Variants in MIER1 observed in about 807,000 individuals in gnomAD.
The protein encoded by MIER1 is mesoderm induction early response protein 1.
Under a neutral mutation model 75.7 loss-of-function variants are expected in MIER1, and 40 were observed. That is an observed-to-expected ratio of 0.53 (90% CI 0.41 to 0.69). The LOEUF (loss-of-function observed/expected upper bound fraction) is 0.69. Among genes scored for constraint, MIER1 ranks in the 30% least tolerant of loss-of-function variants. MIER1 has a pLI of 0.00. For synonymous variants in MIER1, 213 were observed against 223.4 expected (o/e 0.95, Z 0.42); for missense variants, 574 against 680.2 (o/e 0.84, Z 1.74).
chr1:66,959,453 A>G (rs1055197505), intron 6 of MIER1, among the ~76,000 whole-genome samples: 6 of 152,144 alleles, frequency 3.9e-5, no homozygotes, highest in African/African-American at 1.2e-4. Flanking sequence ...CTAAGTTTTT[A>G]TAGGAAATCA....
intron 8 of MIER1, among the ~76,000 whole-genome samples, chr1:66,966,676 T>A (rs1215824493): frequency 6.6e-6 from 1 of 152,234 alleles, no homozygotes; most frequent in African/African-American, 2.4e-5. Context: ...TTCCTATTTC[T>A]CCACATCCTC....
At chr1:66,925,342 C>T (rs1234135073) in intron 1 of MIER1, 1 of 985,350 alleles carries the variant, frequency 1.0e-6, no homozygotes, top group Admixed American at 6.1e-5. Flanking sequence ...CGCCTTTTTG[C>T]CTTCGCGGTG....
intron 8 of MIER1, among the ~76,000 whole-genome samples, chr1:66,966,370 CT>C (rs1197377391): frequency 6.6e-6 from 1 of 152,148 alleles, no homozygotes; most frequent in East Asian, 1.9e-4. Context: ...TAAACTCCTC[CT>C]TTTTGATGGC....
At position 66,975,923 on chromosome 1, in the gene MIER1, A is replaced by G. The variant is rs74319046; in HGVS notation, c.1102-672A>G. Among the ~76,000 whole-genome samples the G allele has an allele frequency of 6.4e-3, 969 of 152,314 alleles. 9 individuals carry two copies. The highest frequency in any genetic ancestry group is 0.022 in the African/African-American group (903 of 41,570). ...GCTCCCTAGGTACCCGTACTCTGTG[A>G]GTAAAAGTATTAGCAAACTGTTTAT... On this transcript the variant is annotated intron_variant, in intron 11 of 13. Transcript: ENST00000401041.
chr1:66,952,908 G>A (rs900224096), intron 4 of MIER1, among the ~76,000 whole-genome samples: 41 of 152,222 alleles, frequency 2.7e-4, no homozygotes, highest in African/African-American at 9.6e-4. Flanking sequence ...GCCTCCCAAA[G>A]TGCTAAGATT....
chr1:66,925,475 G>C, intron 1 of MIER1: 2 of 985,438 alleles, frequency 2.0e-6, no homozygotes, highest in African/African-American at 1.7e-5. Flanking sequence ...TCTTTCTCCT[G>C]TATTTCCCTC....
intron 4 of MIER1, among the ~76,000 whole-genome samples, chr1:66,956,269 A>G (rs1660112208): frequency 6.6e-6 from 1 of 152,090 alleles, no homozygotes; most frequent in African/African-American, 2.4e-5. Flanking sequence ...AAAAATACAA[A>G]AATTAGCCAG....
intron 1 of MIER1, among the ~76,000 whole-genome samples, chr1:66,925,875 C>T (rs1486673270): frequency 6.6e-6 from 1 of 152,210 alleles, no homozygotes; most frequent in African/African-American, 2.4e-5. Flanking sequence ...GCTATTGAGG[C>T]CGCTTCACCA....
chr1:66,952,834 G>T (rs994977655), intron 4 of MIER1, among the ~76,000 whole-genome samples: 1 of 152,102 alleles, frequency 6.6e-6, no homozygotes, highest in African/African-American at 2.4e-5. Context: ...TTACATGGAC[G>T]GTGTTTCGCC....
chr1:66,965,620 T>C (rs139453111), intron 8 of MIER1, among the ~76,000 whole-genome samples: 1 of 152,296 alleles, frequency 6.6e-6, no homozygotes, highest in East Asian at 1.9e-4. Flanking sequence ...TCATGGCAAA[T>C]GGTGTATGCA....
At chr1:66,945,393 C>T (rs1332781932) in intron 3 of MIER1, among the ~76,000 whole-genome samples, 1 of 148,778 alleles carries the variant, frequency 6.7e-6, no homozygotes, top group African/African-American at 2.5e-5. Flanking sequence ...GGAAAAACGC[C>T]TGTACGTGTT....
Position 66,988,572 on chromosome 1 carries a change from T to TAA in MIER1, c.*3674_*3675dup, listed in dbSNP as rs899168495. 6.6e-6 allele frequency: 1 copy of TAA among 152,268 alleles called. No individual in the cohort carries two copies. Among genetic ancestry groups the TAA allele is most frequent in the African/African-American group, 2.4e-5 (1 of 41,450 alleles). 9.4% of individuals were successfully genotyped at this position (152,268 alleles called of 1,614,324 possible). A position where few individuals can be genotyped will look rare whatever the true frequency, so the allele number is the denominator to read the frequency against. On this transcript the variant is annotated 3_prime_UTR_variant, in exon 14 of 14. Coordinates refer to ENST00000401041, the MANE Select transcript of MIER1 (RefSeq NM_001077700.3). ...ATTTTCAATTTGTCTTTAGTTAGTA[T>TAA]AAAGAATTATAGAATGTATAATGTA... is the stretch of plus-strand genomic sequence containing the variant.
In MIER1 at chr1:66,961,947, C is replaced by G. The variant is rs138569306; in HGVS notation, c.700-1141C>G. Among the ~76,000 whole-genome samples, 487 of 152,290 alleles carry G rather than the reference C, an allele frequency of 3.2e-3. 2 individuals carry two copies. Among genetic ancestry groups the G allele is most frequent in the Non-Finnish European group, 5.3e-3 (361 of 68,020 alleles). On this transcript the variant is annotated intron_variant, in intron 7 of 13. Transcript: ENST00000401041. The stretch of plus-strand genomic sequence containing the variant: ...CATAAAGCACGTCTTTGAAGTTGTA[C>G]TGGATAAAATGAGCTCCTCACATCA...
intron 12 of MIER1, among the ~76,000 whole-genome samples, chr1:66,977,425 G>C (rs1664946020): frequency 6.6e-6 from 1 of 151,668 alleles, no homozygotes; most frequent in African/African-American, 2.4e-5. Context: ...TTTTTTTATA[G>C]AGGAAAAAAA....
chr1:66,977,969 C>T lies in MIER1; in HGVS notation c.1229+1247C>T, dbSNP rs1014171718. ...ATCCCAGCACTTTGGGAGGCTGAGG[C>T]GGGTGGATCACAAGGTCAGGAGTTT... is the stretch of plus-strand genomic sequence containing the variant. On this transcript the variant is annotated intron_variant, in intron 12 of 13. Coordinates refer to ENST00000401041, the MANE Select transcript of MIER1 (RefSeq NM_001077700.3). Among the ~76,000 whole-genome samples the T allele has an allele frequency of 7.9e-5, 12 of 152,050 alleles. No homozygotes were observed. The East Asian group carries it at 9.7e-4, about 12-fold the overall frequency.
intron 13 of MIER1, 73 bp from the exon 14 acceptor site, chr1:66,984,498 CA>C: frequency 1.9e-6 from 2 of 1,050,540 alleles, no homozygotes; most frequent in South Asian, 3.2e-5. Context: ...ACAATAACTA[CA>C]AGCTGTTTTA....
intron 7 of MIER1, among the ~76,000 whole-genome samples, chr1:66,962,678 A>G (rs1440347506): frequency 1.3e-5 from 2 of 152,136 alleles, no homozygotes; most frequent in East Asian, 1.9e-4. Context: ...TCTCAAAAAA[A>G]CAAAAATTTC....
chr1:66,951,409 G>A (rs1445126580), intron 4 of MIER1, among the ~76,000 whole-genome samples: 3 of 152,058 alleles, frequency 2.0e-5, no homozygotes, highest in African/African-American at 4.8e-5. Flanking sequence ...GATGATAGGC[G>A]TGAGCCACTG....
intron 12 of MIER1, 35 bp from the exon 13 acceptor site, chr1:66,981,744 C>A: frequency 6.6e-7 from 1 of 1,520,734 alleles, no homozygotes; most frequent in South Asian, 1.3e-5. Flanking sequence ...ATTTTCAGCT[C>A]TTTTTAATAT....
Sources: gnomAD v4.1 joint callset for allele counts (sites outside exome capture counted in the v4.1 genomes callset) on GRCh38, gnomAD v4.1.1 for gene constraint, MANE v1.5 for transcripts, NCBI Gene and HGNC (gene_info 2026-07-23, HGNC 2026-07-21) for gene names.